HECA: variants seen among roughly 807,000 people sequenced by gnomAD.
HECA encodes HECA ribonucleoprotein granule regulator, also known as headcase protein homolog.
HECA carries 13 observed loss-of-function variants against 37.6 expected under a neutral mutation model. The observed-to-expected ratio is 0.35, with a 90% CI of 0.23 to 0.55. HECA has a LOEUF of 0.55. Among genes scored for constraint, HECA ranks in the 20% least tolerant of loss-of-function variants. HECA has a pLI of 0.90. For synonymous variants in HECA, 307 were observed against 291.5 expected (o/e 1.05, Z -0.54); for missense variants, 527 against 701.9 (o/e 0.75, Z 2.82).
chr6:139,163,000 C>T (rs1774828314), intron 1 of HECA, among the ~76,000 whole-genome samples: 1 of 152,212 alleles, frequency 6.6e-6, no homozygotes, highest in South Asian at 2.1e-4. Flanking sequence ...CTGTTTCTGC[C>T]TTTTCACCTC....
chr6:139,139,237 A>G (rs1774486017), intron 1 of HECA, among the ~76,000 whole-genome samples: 1 of 152,208 alleles, frequency 6.6e-6, no homozygotes, highest in Non-Finnish European at 1.5e-5. Context: ...CCTAGATTCA[A>G]ATCCTGGCTT....
intron 1 of HECA, chr6:139,151,262 A>C (rs779979827): frequency 6.6e-6 from 1 of 152,230 alleles, no homozygotes; most frequent in Non-Finnish European, 1.5e-5. Context: ...AAAGTTCAGC[A>C]GGGCAGAAAA....
rs1476441089 is a variant in HECA, at chr6:139,178,334, CTG to C, written c.*1230_*1231del. ...AGTAGATTTTAATGCTTTAAATAGA[CTG>C]ACGTCGCATACCCTTATAGAATTGG... On this transcript the variant is annotated 3_prime_UTR_variant, in exon 4 of 4. Transcript: ENST00000367658. 2.6e-5 allele frequency: 4 copies of C among 152,098 alleles called. No homozygotes were observed. The highest frequency in any genetic ancestry group is 5.9e-5 in the Non-Finnish European group (4 of 68,036). The allele number at this position is 152,098 out of a possible 1,614,324, so 9.4% of individuals were successfully genotyped here.
intron 1 of HECA, among the ~76,000 whole-genome samples, chr6:139,149,461 A>G (rs1326222848): frequency 1.3e-5 from 2 of 152,174 alleles, no homozygotes; most frequent in Admixed American, 1.3e-4. Flanking sequence ...AGTTTTTTCT[A>G]GGTGAGTTTT....
chr6:139,166,888 A>G lies in HECA; in HGVS notation c.876A>G (p.Arg292=), dbSNP rs748699836. The change falls in exon 2 of 4, where the codon AGA becomes AGG. Residue 292 remains arginine, a synonymous_variant. Transcript: ENST00000367658. Reference sequence around the variant, plus strand: ...ACTTCAGCGGCCCCCGCTCCTCCAGATACCTCGGGGAGTTCTTAAAGAACG... The same window carrying G: ...ACTTCAGCGGCCCCCGCTCCTCCAGGTACCTCGGGGAGTTCTTAAAGAACG... ...PAHFSGPRSS[R]YLGEFLKNAI... is the part of the protein sequence containing the mutation. 1.9e-6 allele frequency: 3 copies of G among 1,613,974 alleles called. No homozygotes were observed. The highest frequency in any genetic ancestry group is 4.5e-5 in the East Asian group (2 of 44,864).
intron 2 of HECA, 45 bp downstream of exon 2, chr6:139,167,369 C>A: frequency 2.8e-6 from 4 of 1,426,212 alleles, no homozygotes; most frequent in Admixed American, 2.0e-5. Context: ...TTGTTAAAAA[C>A]CAAACAACAA....
chr6:139,135,706 C>G lies in HECA; in HGVS notation c.271+39C>G, dbSNP rs545357334. ...GGCGGGGCGAGCGCCAACTTCCTCC[C>G]CGACGGGGACGGCGCGGTGGCGGGG... On this transcript the variant is annotated intron_variant, in intron 1 of 3. Coordinates refer to ENST00000367658, the MANE Select transcript of HECA (RefSeq NM_016217.3). 5,805 of 946,920 alleles carry G rather than the reference C, an allele frequency of 6.1e-3. 31 individuals carry two copies. The highest frequency in any genetic ancestry group is 9.6e-3 in the Middle Eastern group (18 of 1,866). The allele number at this position is 946,920 out of a possible 1,614,324, so 58.7% of individuals were successfully genotyped here.
At chr6:139,151,638 G>A (rs1234543094) in intron 1 of HECA, among the ~76,000 whole-genome samples, 2 of 152,112 alleles carry the variant, frequency 1.3e-5, no homozygotes, top group Non-Finnish European at 2.9e-5. Flanking sequence ...GCAAAGATTG[G>A]GGTCAGGAAA....
chr6:139,172,641 A>C (rs577138894), intron 2 of HECA, among the ~76,000 whole-genome samples: 2 of 152,300 alleles, frequency 1.3e-5, no homozygotes, highest in South Asian at 4.1e-4. Flanking sequence ...GGTCAGGACA[A>C]TGTGTAGCAG....
intron 1 of HECA, among the ~76,000 whole-genome samples, chr6:139,142,988 G>T (rs1020556818): frequency 6.6e-6 from 1 of 152,198 alleles, no homozygotes; most frequent in South Asian, 2.1e-4. Flanking sequence ...TTAGTAACTG[G>T]TGATAGAGTT....
chr6:139,145,224 AT>A (rs1431597596), intron 1 of HECA, among the ~76,000 whole-genome samples: 4 of 152,264 alleles, frequency 2.6e-5, no homozygotes, highest in Admixed American at 2.6e-4. Flanking sequence ...GGTTAGCGAA[AT>A]AGCAACTTGC....
chr6:139,174,126 C>T (rs1379987541), intron 2 of HECA, among the ~76,000 whole-genome samples: 1 of 152,226 alleles, frequency 6.6e-6, no homozygotes, highest in Non-Finnish European at 1.5e-5. Context: ...GTAAGCCCAG[C>T]AGCCCTTTTT....
intron 1 of HECA, among the ~76,000 whole-genome samples, chr6:139,145,552 A>G (rs1774575538): frequency 1.3e-5 from 2 of 152,234 alleles, no homozygotes; most frequent in Admixed American, 1.3e-4. Flanking sequence ...TGTATTTCAT[A>G]GATTTAAATA....
chr6:139,152,151 C>T (rs1296920968), intron 1 of HECA, among the ~76,000 whole-genome samples: 1 of 152,158 alleles, frequency 6.6e-6, no homozygotes, highest in East Asian at 1.9e-4. Flanking sequence ...TGGGTCTTGA[C>T]GTGTCTTCTA....
intron 1 of HECA, chr6:139,144,624 TAAAC>T (rs1159196828): frequency 1.3e-5 from 2 of 152,398 alleles, no homozygotes; most frequent in African/African-American, 2.4e-5. Context: ...CCTAGGTTTA[TAAAC>T]AAGGACATGG....
intron 1 of HECA, among the ~76,000 whole-genome samples, chr6:139,154,285 AG>A (rs1219760828): frequency 5.9e-5 from 9 of 152,316 alleles, no homozygotes; most frequent in Non-Finnish European, 1.3e-4. Flanking sequence ...TGGAACCCAC[AG>A]ATATAGAGGA....
At chr6:139,146,505 T>C (rs993141935) in intron 1 of HECA, among the ~76,000 whole-genome samples, 2 of 152,246 alleles carry the variant, frequency 1.3e-5, no homozygotes, top group Non-Finnish European at 2.9e-5. Context: ...CTAGTTGTTA[T>C]GCCTAACACA....
intron 1 of HECA, among the ~76,000 whole-genome samples, chr6:139,141,963 G>C: frequency 8.7e-6 from 1 of 114,738 alleles, no homozygotes; most frequent in Non-Finnish European, 1.6e-5. Context: ...GTGTCGCTCT[G>C]TCGCCCAGGC....
chr6:139,161,006 C>T (rs777385292), intron 1 of HECA, among the ~76,000 whole-genome samples: 1 of 152,084 alleles, frequency 6.6e-6, no homozygotes, highest in Non-Finnish European at 1.5e-5. Context: ...TTCTGTTATT[C>T]CCTGCTGCTT....
Sources: gnomAD v4.1 joint callset for allele counts (sites outside exome capture counted in the v4.1 genomes callset) on GRCh38, gnomAD v4.1.1 for gene constraint, MANE v1.5 for transcripts, NCBI Gene and HGNC (gene_info 2026-07-23, HGNC 2026-07-21) for gene names.